The following PLCL2 variants were observed in gnomAD, a reference collection of about 807,000 sequenced individuals.
PLCL2 encodes the protein inactive phospholipase C-like protein 2.
Under a neutral mutation model 79.6 loss-of-function variants are expected in PLCL2, and 4 were observed. The ratio of observed to expected loss-of-function variants is 0.05; its 90% confidence interval spans 0.02 to 0.11. The LOEUF (loss-of-function observed/expected upper bound fraction) is 0.11, where lower values mean the gene tolerates loss of function less well. Among genes scored for constraint, PLCL2 ranks in the 10% least tolerant of loss-of-function variants. PLCL2 has a pLI of 1.00. For missense variants in PLCL2, 895 were observed against 1,291.0 expected, an observed-to-expected ratio of 0.69 and a Z score of 4.70; for synonymous variants, 484 against 457.7, an observed-to-expected ratio of 1.06 and a Z score of -0.73.
At chr3:17,002,665 A>T (rs2064222500) in intron 1 of PLCL2, among the ~76,000 whole-genome samples, 1 of 152,044 alleles carries the variant, frequency 6.6e-6, no homozygotes, top group Non-Finnish European at 1.5e-5. Flanking sequence ...CTAGGACATT[A>T]TCTCTTCAAA....
intron 1 of PLCL2, among the ~76,000 whole-genome samples, chr3:16,972,897 C>CT (rs2063887983): frequency 6.6e-6 from 1 of 152,108 alleles, no homozygotes; most frequent in African/African-American, 2.4e-5. Flanking sequence ...AAATGGGTCT[C>CT]TTAAAGACAG....
chr3:17,030,550 C>T (rs2064569347), intron 3 of PLCL2, among the ~76,000 whole-genome samples: 1 of 152,186 alleles, frequency 6.6e-6, no homozygotes, highest in Non-Finnish European at 1.5e-5. Context: ...GTTCTCCCAT[C>T]ATCTTGCTAA....
At chr3:16,952,001 G>A (rs2063658097) in intron 1 of PLCL2, among the ~76,000 whole-genome samples, 1 of 151,980 alleles carries the variant, frequency 6.6e-6, no homozygotes, top group African/African-American at 2.4e-5. Flanking sequence ...GCCTGAGCGA[G>A]AAGCCATCTA....
At chr3:16,944,292 C>T (rs936786483) in intron 1 of PLCL2, among the ~76,000 whole-genome samples, 6 of 152,196 alleles carry the variant, frequency 3.9e-5, no homozygotes, top group African/African-American at 1.4e-4. Context: ...AGGATTTCCA[C>T]TTCTAACGTG....
At chr3:17,021,950 G>A (rs2064459809) in intron 3 of PLCL2, among the ~76,000 whole-genome samples, 1 of 152,166 alleles carries the variant, frequency 6.6e-6, no homozygotes, top group Non-Finnish European at 1.5e-5. Context: ...AATGAGAAAT[G>A]GGACCCGGCT....
intron 1 of PLCL2, among the ~76,000 whole-genome samples, chr3:16,939,415 CA>C (rs1697622750): frequency 1.3e-5 from 2 of 152,244 alleles, no homozygotes; most frequent in South Asian, 4.2e-4. Flanking sequence ...TTAGCTTTGC[CA>C]GATGGTATGA....
At chr3:16,893,882 GT>G (rs1463959883) in intron 1 of PLCL2, among the ~76,000 whole-genome samples, 3 of 152,190 alleles carry the variant, frequency 2.0e-5, no homozygotes, top group Admixed American at 6.5e-5. Flanking sequence ...GTAGTGCTAG[GT>G]TGACACAAAT....
At chr3:17,067,322 A>G (rs1433120141) in intron 4 of PLCL2, among the ~76,000 whole-genome samples, 1 of 152,238 alleles carries the variant, frequency 6.6e-6, no homozygotes, top group Non-Finnish European at 1.5e-5. Context: ...TTTTAAATTT[A>G]TGTGAAAACC....
At chr3:16,942,657 T>C (rs532697533) in intron 1 of PLCL2, among the ~76,000 whole-genome samples, 1 of 152,356 alleles carries the variant, frequency 6.6e-6, no homozygotes, top group Admixed American at 6.5e-5. Flanking sequence ...AAATTTTTAT[T>C]TGTTCTTAAT....
At chr3:17,058,956 A>G (rs1023108468) in intron 4 of PLCL2, among the ~76,000 whole-genome samples, 10 of 152,114 alleles carry the variant, frequency 6.6e-5, no homozygotes, top group Non-Finnish European at 1.0e-4. Flanking sequence ...GATTTGGGGG[A>G]GGGAGGGCAT....
chr3:17,038,757 A>G (rs1015998756), intron 3 of PLCL2, among the ~76,000 whole-genome samples: 1 of 152,194 alleles, frequency 6.6e-6, no homozygotes, highest in Admixed American at 6.5e-5. Flanking sequence ...TACTATTGTA[A>G]TTGTGTGTAG....
chr3:16,939,082 A>C (rs1344937432), intron 1 of PLCL2, among the ~76,000 whole-genome samples: 1 of 152,182 alleles, frequency 6.6e-6, no homozygotes, highest in Admixed American at 6.6e-5. Context: ...CTGAAAATCA[A>C]CTAAGGCCCA....
chr3:16,986,533 C>T (rs1469495568), intron 1 of PLCL2, among the ~76,000 whole-genome samples: 4 of 152,132 alleles, frequency 2.6e-5, no homozygotes, highest in African/African-American at 7.2e-5. Context: ...TCCTGAGTAG[C>T]TGGGATTACA....
At chr3:17,084,693 G>C (rs535012853) in intron 5 of PLCL2, among the ~76,000 whole-genome samples, 1 of 152,296 alleles carries the variant, frequency 6.6e-6, no homozygotes, top group South Asian at 2.1e-4. Context: ...GGTTGTATCA[G>C]TAGATGCAAA....
chr3:17,067,813 A>G, intron 4 of PLCL2, 143 bp from the exon 5 acceptor site: 1 of 526,474 alleles, frequency 1.9e-6, no homozygotes, highest in Non-Finnish European at 3.4e-6. Flanking sequence ...TGTCCCCATT[A>G]TTACATTCTT....
intron 1 of PLCL2, among the ~76,000 whole-genome samples, chr3:16,904,279 C>T (rs1340055604): frequency 6.9e-6 from 1 of 144,460 alleles, no homozygotes; most frequent in Non-Finnish European, 1.5e-5. Context: ...ATGAATTTCA[C>T]TCCTTAACCT....
chr3:17,078,455 C>CTT lies in PLCL2; in HGVS notation c.3204+10400_3204+10401dup, dbSNP rs34710176. ...ATCTGGGGTGGCTGGGATGGCTGGGCTTTTTTTTTTTATAGCATCTATATC... is the reference window on the plus strand; with the variant it reads ...ATCTGGGGTGGCTGGGATGGCTGGGCTTTTTTTTTTTTTATAGCATCTATATC... On this transcript the variant is annotated intron_variant, in intron 5 of 5. Transcript: ENST00000615277. Among the ~76,000 whole-genome samples, 5 of 146,388 alleles carry CTT rather than the reference C, an allele frequency of 3.4e-5. No homozygotes were observed. In the South Asian group the frequency reaches 6.5e-4, roughly 19 times the overall value.
At chr3:17,041,956 AAG>A (rs2064726284) in intron 3 of PLCL2, among the ~76,000 whole-genome samples, 1 of 152,148 alleles carries the variant, frequency 6.6e-6, no homozygotes, top group South Asian at 2.1e-4. Flanking sequence ...AAAAAATAAA[AAG>A]AAAAAAAATG....
intron 1 of PLCL2, among the ~76,000 whole-genome samples, chr3:16,969,442 T>A (rs1392773796): frequency 6.6e-6 from 1 of 152,126 alleles, no homozygotes; most frequent in Non-Finnish European, 1.5e-5. Flanking sequence ...TGTTCAGGGA[T>A]TCAATTCCTT....
Sources: gnomAD v4.1 joint callset for allele counts (sites outside exome capture counted in the v4.1 genomes callset) on GRCh38, gnomAD v4.1.1 for gene constraint, MANE v1.5 for transcripts, NCBI Gene and HGNC (gene_info 2026-07-23, HGNC 2026-07-21) for gene names.